GABRA2: variants seen among roughly 807,000 people sequenced by gnomAD.
The protein encoded by GABRA2 is gamma-aminobutyric acid receptor subunit alpha-2.
GABRA2 carries 16 observed loss-of-function variants against 48.7 expected under a neutral mutation model. That is an observed-to-expected ratio of 0.33 (90% CI 0.22 to 0.50). GABRA2 has a LOEUF of 0.50. Among genes scored for constraint, GABRA2 ranks in the 20% least tolerant of loss-of-function variants. The probability of loss-of-function intolerance (pLI) is 0.98; values close to 1 mark genes in which losing one functional copy is unlikely to be tolerated. For synonymous variants in GABRA2, 185 were observed against 184.5 expected, an observed-to-expected ratio of 1.00 and a Z score of -0.02; for missense variants, 275 against 535.6, an observed-to-expected ratio of 0.51 and a Z score of 4.80.
chr4:46,362,625 T>A (rs1020539454), intron 3 of GABRA2, among the ~76,000 whole-genome samples: 4 of 152,186 alleles, frequency 2.6e-5, no homozygotes, highest in Non-Finnish European at 4.4e-5. Context: ...AGAATTAACT[T>A]CAAAAATATT....
intron 4 of GABRA2, among the ~76,000 whole-genome samples, chr4:46,323,919 A>G (rs13109153): frequency 0.027 from 4,177 of 152,090 alleles, 74 homozygotes; most frequent in South Asian, 0.041. Context: ...AAACATGTGC[A>G]AGGCCAGAGA....
At chr4:46,336,053 CCCAT>C (rs1215432710) in intron 3 of GABRA2, among the ~76,000 whole-genome samples, 1 of 151,910 alleles carries the variant, frequency 6.6e-6, no homozygotes, top group African/African-American at 2.4e-5. Context: ...GGTCTGTCTC[CCCAT>C]CCAGGATTTA....
At chr4:46,373,134 A>G (rs1324581991) in intron 3 of GABRA2, among the ~76,000 whole-genome samples, 1 of 152,208 alleles carries the variant, frequency 6.6e-6, no homozygotes, top group Non-Finnish European at 1.5e-5. Context: ...TGGGTGGGGT[A>G]GTAGCTAAAA....
At chr4:46,335,988 C>A (rs1732164321) in intron 3 of GABRA2, among the ~76,000 whole-genome samples, 1 of 152,056 alleles carries the variant, frequency 6.6e-6, no homozygotes, top group Non-Finnish European at 1.5e-5. Context: ...GACCTTTCAA[C>A]TTTGCCTTTA....
chr4:46,332,844 C>G (rs985552531), intron 3 of GABRA2, among the ~76,000 whole-genome samples, 162 bp from the exon 4 acceptor site: 1 of 152,046 alleles, frequency 6.6e-6, no homozygotes, highest in Non-Finnish European at 1.5e-5. Flanking sequence ...CTATAATGCT[C>G]AGTTATTTCA....
intron 5 of GABRA2, among the ~76,000 whole-genome samples, chr4:46,312,280 C>A (rs917457378): frequency 6.6e-6 from 1 of 152,016 alleles, no homozygotes; most frequent in East Asian, 1.9e-4. Context: ...AAAAGCAATT[C>A]TTAACATTTA....
intron 8 of GABRA2, among the ~76,000 whole-genome samples, chr4:46,296,572 A>G (rs543146082): frequency 6.6e-6 from 1 of 150,846 alleles, no homozygotes; most frequent in African/African-American, 2.4e-5. Flanking sequence ...GATTAAGGTC[A>G]ATGGGAAATT....
chr4:46,336,329 ATAAG>A (rs1732232983), intron 3 of GABRA2, among the ~76,000 whole-genome samples: 1 of 152,192 alleles, frequency 6.6e-6, no homozygotes, highest in African/African-American at 2.4e-5. Flanking sequence ...GGTTGAGAGT[ATAAG>A]TAATAGGCTT....
At chr4:46,250,826 C>T (rs2109375654) in intron 9 of GABRA2, among the ~76,000 whole-genome samples, 1 of 151,660 alleles carries the variant, frequency 6.6e-6, no homozygotes, top group African/African-American at 2.4e-5. Context: ...CTTGAGGAAT[C>T]TTATTGGTTG....
chr4:46,292,611 G>C (rs1723892137), intron 8 of GABRA2, among the ~76,000 whole-genome samples: 2 of 152,122 alleles, frequency 1.3e-5, no homozygotes, highest in South Asian at 4.1e-4. Context: ...AGCTCAGGGA[G>C]TTAAAAAAGG....
chr4:46,252,181 T>G (rs1276479087), intron 9 of GABRA2, among the ~76,000 whole-genome samples: 1 of 151,612 alleles, frequency 6.6e-6, no homozygotes, highest in Non-Finnish European at 1.5e-5. Context: ...TGGCCTGAGT[T>G]TCTTCCTCTC....
chr4:46,273,506 T>TATATATATATATATATATATGC, intron 8 of GABRA2, among the ~76,000 whole-genome samples: 2 of 28,292 alleles, frequency 7.1e-5, no homozygotes, highest in East Asian at 9.2e-4. Context: ...TATATGCATA[T>TATATATATATATATATATATGC]ATATATATAT....
chr4:46,359,298 C>G (rs1712753465), intron 3 of GABRA2, among the ~76,000 whole-genome samples: 1 of 152,156 alleles, frequency 6.6e-6, no homozygotes, highest in African/African-American at 2.4e-5. Context: ...AAATCACTCA[C>G]TCTAAATTTA....
At chr4:46,385,563 C>A (rs527465039) in intron 3 of GABRA2, among the ~76,000 whole-genome samples, 4 of 152,018 alleles carry the variant, frequency 2.6e-5, no homozygotes, top group African/African-American at 9.6e-5. Flanking sequence ...TCAAGAATAA[C>A]AAAGTTGTGC....
chr4:46,325,086 G>A (rs1230012247), intron 4 of GABRA2, among the ~76,000 whole-genome samples: 2 of 151,816 alleles, frequency 1.3e-5, no homozygotes, highest in Non-Finnish European at 2.9e-5. Context: ...AAGTAGAATA[G>A]TAATAAGTAT....
At chr4:46,256,517 GT>G (rs981430983) in intron 9 of GABRA2, 98 of 411,624 alleles carry the variant, frequency 2.4e-4, no homozygotes, top group African/African-American at 1.9e-3. Flanking sequence ...GTAAGGAAAA[GT>G]TTTTCTCTGA....
intron 3 of GABRA2, among the ~76,000 whole-genome samples, chr4:46,339,833 G>A (rs1177416725): frequency 2.0e-5 from 3 of 151,602 alleles, no homozygotes; most frequent in African/African-American, 7.3e-5. Flanking sequence ...TTTATTTCAT[G>A]TAGTCAAGGA....
At chr4:46,369,718 G>T (rs1467298111) in intron 3 of GABRA2, among the ~76,000 whole-genome samples, 1 of 151,998 alleles carries the variant, frequency 6.6e-6, no homozygotes, top group Non-Finnish European at 1.5e-5. Context: ...AAATTAACAG[G>T]CAGAGTCATA....
At chr4:46,389,573 A>C (rs1717951133) in intron 1 of GABRA2, 162 bp downstream of exon 1, 1 of 444,224 alleles carries the variant, frequency 2.3e-6, no homozygotes. Flanking sequence ...ATAAGTATCG[A>C]AATTATTTTT....
Sources: allele counts gnomAD v4.1 joint callset (sites outside exome capture counted in the v4.1 genomes callset), GRCh38; gene constraint gnomAD v4.1.1; transcripts MANE v1.5; gene names NCBI Gene and HGNC (gene_info 2026-07-23, HGNC 2026-07-21).